Variants in FBXO28 observed in about 807,000 individuals in gnomAD.
The protein encoded by FBXO28 is F-box protein 28.
A neutral mutation model predicts 38.1 loss-of-function variants in FBXO28; 8 were observed. The observed-to-expected ratio is 0.21, with a 90% CI of 0.12 to 0.38. FBXO28 has a LOEUF of 0.38. Among genes scored for constraint, FBXO28 ranks in the 10% least tolerant of loss-of-function variants. The probability of loss-of-function intolerance (pLI) is 1.00; values close to 1 mark genes in which losing one functional copy is unlikely to be tolerated. For missense variants in FBXO28, 345 were observed against 460.6 expected, an observed-to-expected ratio of 0.75 and a Z score of 2.30; for synonymous variants, 168 against 173.8, an observed-to-expected ratio of 0.97 and a Z score of 0.26.
intron 3 of FBXO28, among the ~76,000 whole-genome samples, chr1:224,152,523 C>T (rs765571991): frequency 1.3e-5 from 2 of 152,160 alleles, no homozygotes; most frequent in Non-Finnish European, 2.9e-5. Flanking sequence ...ACACATATCT[C>T]CCCAGTTACA....
At chr1:224,115,741 A>C (rs1035327826) in intron 1 of FBXO28, among the ~76,000 whole-genome samples, 1 of 152,238 alleles carries the variant, frequency 6.6e-6, no homozygotes, top group Admixed American at 6.5e-5. Context: ...CGTTTAATCA[A>C]AATTCGCGCT....
chr1:224,121,318 T>C (rs945205593), intron 1 of FBXO28, among the ~76,000 whole-genome samples: 9 of 152,246 alleles, frequency 5.9e-5, no homozygotes, highest in African/African-American at 1.7e-4. Flanking sequence ...CTAATTGTTA[T>C]ACTTAGACTG....
intron 3 of FBXO28, among the ~76,000 whole-genome samples, chr1:224,145,249 G>A (rs930118299): frequency 5.7e-5 from 7 of 123,440 alleles, no homozygotes; most frequent in African/African-American, 1.9e-4. Flanking sequence ...AGCTGAGATC[G>A]CGCCACTGCA....
intron 2 of FBXO28, among the ~76,000 whole-genome samples, chr1:224,132,308 C>A (rs1412162869): frequency 1.3e-5 from 2 of 152,056 alleles, no homozygotes; most frequent in Non-Finnish European, 1.5e-5. Context: ...TAAGTAATAG[C>A]CAACAAGCAC....
chr1:224,129,879 A>G (rs1016993848), intron 1 of FBXO28, among the ~76,000 whole-genome samples: 5 of 152,174 alleles, frequency 3.3e-5, no homozygotes, highest in Non-Finnish European at 4.4e-5. Flanking sequence ...AGTGCCAGCT[A>G]CTCAGGAGGC....
intron 1 of FBXO28, among the ~76,000 whole-genome samples, chr1:224,123,741 T>C (rs1656838830): frequency 6.6e-6 from 1 of 152,216 alleles, no homozygotes; most frequent in Non-Finnish European, 1.5e-5. Flanking sequence ...TCTATTCCAC[T>C]GTCAAATGTT....
rs1216558772 is a variant in FBXO28 at position 224,160,057 on chromosome 1, C to T, written c.*2311C>T. The T allele has an allele frequency of 6.6e-6, 1 of 152,144 alleles. No homozygotes were observed. Among genetic ancestry groups the T allele is most frequent in the African/African-American group, 2.4e-5 (1 of 41,430 alleles). The allele number at this position is 152,144 out of a possible 1,614,324, so 9.4% of individuals were successfully genotyped here. On this transcript the variant is annotated 3_prime_UTR_variant, in exon 5 of 5. Transcript: ENST00000366862. ...TTCCATGCAGTAGGAGAATAAAGCA[C>T]TACAGTTCGGTTGTTCAAATCTTAA...
At chr1:224,133,514 T>C (rs1202965063) in intron 2 of FBXO28, among the ~76,000 whole-genome samples, 1 of 151,480 alleles carries the variant, frequency 6.6e-6, no homozygotes, top group Non-Finnish European at 1.5e-5. Context: ...CCAAAAAACC[T>C]TTACTTTTAT....
intron 4 of FBXO28, among the ~76,000 whole-genome samples, chr1:224,154,399 G>A (rs1447940545): frequency 1.3e-5 from 2 of 152,278 alleles, no homozygotes; most frequent in African/African-American, 2.4e-5. Flanking sequence ...GGCTGGGCGC[G>A]GTGGCTCATG....
intron 3 of FBXO28, among the ~76,000 whole-genome samples, chr1:224,134,823 A>T (rs1657136666): frequency 6.6e-6 from 1 of 152,234 alleles, no homozygotes; most frequent in African/African-American, 2.4e-5. Flanking sequence ...GTAAATTGAC[A>T]TATGTCTGTA....
intron 3 of FBXO28, among the ~76,000 whole-genome samples, chr1:224,152,925 C>CAAAAAAAAAAAAA (rs57616453): frequency 3.1e-5 from 2 of 64,908 alleles, no homozygotes; most frequent in African/African-American, 1.3e-4. Flanking sequence ...AACTCTGTCT[C>CAAAAAAAAAAAAA]AAAAAAAAAA....
chr1:224,146,066 CAAAA>C (rs577982501), intron 3 of FBXO28, among the ~76,000 whole-genome samples: 2 of 106,430 alleles, frequency 1.9e-5, no homozygotes, highest in Non-Finnish European at 2.0e-5. Flanking sequence ...AACTCCTTCT[CAAAA>C]AAAAAAAAAA....
intron 3 of FBXO28, among the ~76,000 whole-genome samples, chr1:224,139,606 T>A (rs1464109860): frequency 2.6e-5 from 4 of 152,018 alleles, no homozygotes; most frequent in Non-Finnish European, 4.4e-5. Flanking sequence ...GCTGGGCTGG[T>A]GGCACACGCC....
chr1:224,123,442 C>CAAAAAA (rs10647785), intron 1 of FBXO28, among the ~76,000 whole-genome samples: 5 of 64,292 alleles, frequency 7.8e-5, no homozygotes, highest in East Asian at 1.0e-3. Flanking sequence ...GACCCTGTCT[C>CAAAAAA]AAAAAAAAAA....
At chr1:224,132,261 G>A (rs1657066619) in intron 2 of FBXO28, among the ~76,000 whole-genome samples, 1 of 151,886 alleles carries the variant, frequency 6.6e-6, no homozygotes, top group African/African-American at 2.4e-5. Context: ...CCAAAAAAAA[G>A]GACAAAGGAT....
At chr1:224,134,626 T>C (rs1657132613) in intron 3 of FBXO28, among the ~76,000 whole-genome samples, 1 of 152,196 alleles carries the variant, frequency 6.6e-6, no homozygotes, top group African/African-American at 2.4e-5. Flanking sequence ...ACGACAACTT[T>C]ATAAACTTTC....
In FBXO28 at chr1:224,157,947, A is replaced by G. The variant is rs931334624; in HGVS notation, c.*201A>G. ...GATGCACAGAATCTTTTTACTTTGC[A>G]ATAGATTTGTACTAACCAGACCTGT... On this transcript the variant is annotated 3_prime_UTR_variant, in exon 5 of 5. Coordinates refer to ENST00000366862, the MANE Select transcript of FBXO28 (RefSeq NM_015176.4). 4.3e-6 allele frequency: 6 copies of G among 1,396,566 alleles called. No homozygotes were observed. The highest frequency in any genetic ancestry group is 5.5e-6 in the Non-Finnish European group (6 of 1,081,344). 86.5% of individuals were successfully genotyped at this position (1,396,566 alleles called of 1,614,324 possible). A position where few individuals can be genotyped will look rare whatever the true frequency, so the allele number is the denominator to read the frequency against.
chr1:224,125,638 T>A (rs1255003223), intron 1 of FBXO28, among the ~76,000 whole-genome samples: 1 of 150,366 alleles, frequency 6.7e-6, no homozygotes, highest in Non-Finnish European at 1.5e-5. Flanking sequence ...AGGATACTCA[T>A]TCTCTTTTTT....
intron 3 of FBXO28, among the ~76,000 whole-genome samples, chr1:224,135,089 TCTCA>T (rs1194967735): frequency 6.6e-6 from 1 of 152,226 alleles, no homozygotes; most frequent in African/African-American, 2.4e-5. Context: ...TTTTGGTATA[TCTCA>T]CTTTCTTTGC....
Sources: gnomAD v4.1 joint callset for allele counts (sites outside exome capture counted in the v4.1 genomes callset) on GRCh38, gnomAD v4.1.1 for gene constraint, MANE v1.5 for transcripts, NCBI Gene and HGNC (gene_info 2026-07-23, HGNC 2026-07-21) for gene names.